FAM114A2: variants seen among roughly 807,000 people sequenced by gnomAD.
The protein encoded by FAM114A2 is protein FAM114A2.
Under a neutral mutation model 58.4 loss-of-function variants are expected in FAM114A2, and 53 were observed. The ratio of observed to expected loss-of-function variants is 0.91; its 90% CI spans 0.73 to 1.14. The LOEUF (loss-of-function observed/expected upper bound fraction) is 1.14, where lower values mean the gene tolerates loss of function less well. Ranked by LOEUF, FAM114A2 falls within the 50% of genes most tolerant of loss-of-function variation. The pLI is 0.00. For missense variants in FAM114A2, 601 were observed against 581.1 expected, an observed-to-expected ratio of 1.03 and a Z score of -0.35; for synonymous variants, 228 against 211.4, an observed-to-expected ratio of 1.08 and a Z score of -0.68.
chr5:154,014,770 G>A (rs1455141095), intron 8 of FAM114A2, among the ~76,000 whole-genome samples: 5 of 152,148 alleles, frequency 3.3e-5, no homozygotes, highest in East Asian at 3.9e-4. Context: ...GTTGAACTTC[G>A]CAACAATTTG....
intron 3 of FAM114A2, 98 bp from the exon 4 acceptor site, chr5:154,033,981 G>C (rs1220835251): frequency 7.8e-6 from 6 of 764,552 alleles, no homozygotes; most frequent in Non-Finnish European, 1.1e-5. Flanking sequence ...AGGACCACAA[G>C]ACATGTTATT....
In FAM114A2 at chr5:154,002,833, G is replaced by C. The variant is rs1199230077; in HGVS notation, c.1116+14C>G. The C allele has an allele frequency of 6.2e-7, 1 of 1,613,690 alleles. No homozygotes were observed. Among genetic ancestry groups the C allele is most frequent in the East Asian group, 2.2e-5 (1 of 44,888 alleles). On this transcript the variant is annotated intron_variant, in intron 10 of 13. Transcript: ENST00000351797. ...TACTAAAACAAACAAAAAAGGCTTA[G>C]TTGCTTTGGCTACCTCTATTGAATT...
chr5:153,998,919 T>C (rs1211800243), intron 11 of FAM114A2, among the ~76,000 whole-genome samples: 2 of 152,172 alleles, frequency 1.3e-5, no homozygotes, highest in African/African-American at 4.8e-5. Flanking sequence ...AGGTAAAAGA[T>C]CTTCACTTAG....
intron 4 of FAM114A2, 36 bp from the exon 5 acceptor site, chr5:154,029,616 A>C: frequency 1.7e-6 from 2 of 1,196,914 alleles, no homozygotes; most frequent in Non-Finnish European, 2.5e-6. Flanking sequence ...CATGAAGGGA[A>C]GGTCCCTTAA....
intron 12 of FAM114A2, 115 bp downstream of exon 12, chr5:153,997,688 A>G: frequency 1.5e-6 from 1 of 684,590 alleles, no homozygotes. Context: ...CTCTGTAAAT[A>G]TACTAAAAAC....
intron 8 of FAM114A2, among the ~76,000 whole-genome samples, chr5:154,021,208 C>T (rs1233222154): frequency 1.3e-5 from 2 of 152,178 alleles, no homozygotes; most frequent in African/African-American, 4.8e-5. Flanking sequence ...TGGGCAAAAA[C>T]TGGAAGCATT....
chr5:154,038,774 C>T (rs1279623155), intron 1 of FAM114A2, 83 bp downstream of exon 1: 1 of 152,592 alleles, frequency 6.6e-6, no homozygotes, highest in Non-Finnish European at 1.5e-5. Context: ...ACCGTCAGGT[C>T]ACCGCCTCCC....
intron 12 of FAM114A2, among the ~76,000 whole-genome samples, chr5:153,996,991 TAAA>T (rs57110256): frequency 3.1e-4 from 38 of 121,278 alleles, no homozygotes; most frequent in East Asian, 4.5e-4. Flanking sequence ...GAGCAAAACT[TAAA>T]AAAAAAAAAA....
At chr5:154,024,155 G>C (rs1215460142) in intron 8 of FAM114A2, among the ~76,000 whole-genome samples, 1 of 152,174 alleles carries the variant, frequency 6.6e-6, no homozygotes, top group African/African-American at 2.4e-5. Flanking sequence ...AAAGCAATCA[G>C]AGACATTTCT....
At chr5:154,001,029 T>C (rs552879893) in intron 11 of FAM114A2, among the ~76,000 whole-genome samples, 1 of 152,312 alleles carries the variant, frequency 6.6e-6, no homozygotes, top group South Asian at 2.1e-4. Flanking sequence ...TCTTTAATAA[T>C]AGTTACCTAA....
chr5:153,996,799 C>A (rs1398219884), intron 12 of FAM114A2, among the ~76,000 whole-genome samples: 3 of 151,654 alleles, frequency 2.0e-5, no homozygotes, highest in African/African-American at 7.3e-5. Context: ...GAGTTCGAGA[C>A]CAGCTTGGCC....
At chr5:154,025,076 T>C (rs907077388) in intron 8 of FAM114A2, among the ~76,000 whole-genome samples, 2 of 152,178 alleles carry the variant, frequency 1.3e-5, no homozygotes, top group Admixed American at 1.3e-4. Context: ...ATAGTCTCTG[T>C]GACTGTTATC....
intron 5 of FAM114A2, 26 bp downstream of exon 5, chr5:154,029,463 A>G: frequency 8.0e-7 from 1 of 1,242,502 alleles, no homozygotes; most frequent in Non-Finnish European, 1.2e-6. Context: ...GGAAAGGAAC[A>G]GACCACCTTG....
At chr5:154,030,479 T>G (rs1046031239) in intron 4 of FAM114A2, among the ~76,000 whole-genome samples, 1 of 152,196 alleles carries the variant, frequency 6.6e-6, no homozygotes, top group Non-Finnish European at 1.5e-5. Context: ...CATAGGACAA[T>G]AGGCAGTACA....
intron 11 of FAM114A2, among the ~76,000 whole-genome samples, chr5:154,001,120 A>G (rs1380748195): frequency 3.3e-5 from 5 of 152,244 alleles, no homozygotes; most frequent in Admixed American, 3.3e-4. Flanking sequence ...CCCAGTTTTC[A>G]TGGATTTCAA....
rs533567670 is a variant in FAM114A2 at position 154,037,498 on chromosome 5, CCTAT to C, written c.-15+1355_-15+1358del. On this transcript the variant is annotated intron_variant, in intron 1 of 13. Transcript: ENST00000351797. Reference sequence around the variant, plus strand: ...TAATGTAAGCCATTCACTCCAAGGGCCTATCTAATAGGAAAGACGAGACAGTTTT... The same window carrying C: ...TAATGTAAGCCATTCACTCCAAGGGCCTAATAGGAAAGACGAGACAGTTTT... Among the ~76,000 whole-genome samples, 4 of 152,256 alleles carry C rather than the reference CCTAT, an allele frequency of 2.6e-5. No individual in the cohort carries two copies. The South Asian group carries it at 8.3e-4, about 32-fold the overall frequency.
At chr5:154,011,018 G>A (rs1770659619) in intron 9 of FAM114A2, among the ~76,000 whole-genome samples, 1 of 152,190 alleles carries the variant, frequency 6.6e-6, no homozygotes, top group South Asian at 2.1e-4. Flanking sequence ...CATCCCAAAT[G>A]AAAACAGGTA....
At chr5:154,014,586 G>A (rs1770903684) in intron 8 of FAM114A2, among the ~76,000 whole-genome samples, 1 of 152,164 alleles carries the variant, frequency 6.6e-6, no homozygotes, top group South Asian at 2.1e-4. Flanking sequence ...GACCTTACTG[G>A]AGCTGAGTCA....
At chr5:154,011,125 G>A (rs1168293238) in intron 9 of FAM114A2, 116 bp downstream of exon 9, 10 of 754,798 alleles carry the variant, frequency 1.3e-5, no homozygotes, top group Admixed American at 5.1e-5. Flanking sequence ...TGGGTATAAC[G>A]AGAATATACC....
Sources: allele counts gnomAD v4.1 joint callset (sites outside exome capture counted in the v4.1 genomes callset), GRCh38; gene constraint gnomAD v4.1.1; transcripts MANE v1.5; gene names NCBI Gene and HGNC (gene_info 2026-07-23, HGNC 2026-07-21).